Variants in DMRT1 observed in about 807,000 individuals in gnomAD.
DMRT1 encodes doublesex and mab-3 related transcription factor 1.
DMRT1 carries 7 observed loss-of-function variants against 32.3 expected under a neutral mutation model. That is an observed-to-expected ratio of 0.22 (90% CI 0.12 to 0.41). The LOEUF is 0.41. DMRT1 is among the 10% of genes least tolerant of loss of function. DMRT1 has a pLI of 1.00. For synonymous variants in DMRT1, 278 were observed against 206.1 expected (o/e 1.35, Z -2.99); for missense variants, 625 against 500.5 (o/e 1.25, Z -2.37).
At chr9:928,172 G>A (rs1008510093) in intron 4 of DMRT1, among the ~76,000 whole-genome samples, 2 of 152,132 alleles carry the variant, frequency 1.3e-5, no homozygotes, top group African/African-American at 4.8e-5. Flanking sequence ...TGCATGATCA[G>A]GTTTATTTAC....
At position 903,485 on chromosome 9, in the gene DMRT1, C is replaced by G. The variant is rs116566755; in HGVS notation, c.822+9290C>G. ...TGTTTTGTTTCACAGATGATGAAAG[C>G]TTAATGACTTGCATGCTTTTGATCC... On this transcript the variant is annotated intron_variant, in intron 3 of 4. Coordinates refer to ENST00000382276, the MANE Select transcript of DMRT1 (RefSeq NM_021951.3). 3.3e-3 allele frequency among the ~76,000 whole-genome samples: 510 copies of G among 152,294 alleles called. 5 individuals are homozygous for G. The highest frequency in any genetic ancestry group is 0.011 in the African/African-American group (467 of 41,556).
At position 965,287 on chromosome 9, in the gene DMRT1, G is replaced by C. The variant is rs1426261397; in HGVS notation, c.968-2698G>C. Among the ~76,000 whole-genome samples, 1 of 152,184 alleles carries C rather than the reference G, an allele frequency of 6.6e-6. No homozygotes were observed. The highest frequency in any genetic ancestry group is 1.5e-5 in the Non-Finnish European group (1 of 68,018). ...AAACAATGCTAAGCCTTGAACAAAT[G>C]TAAAAATAGCATGGGTTTAAATTTT... On this transcript the variant is annotated intron_variant, in intron 4 of 4. Transcript: ENST00000382276. The surrounding 1 kb of genome is among the most constrained non-coding windows in gnomAD (Gnocchi z 4.5).
chr9:902,312 G>A (rs1428805458), intron 3 of DMRT1, among the ~76,000 whole-genome samples: 2 of 150,390 alleles, frequency 1.3e-5, no homozygotes, highest in African/African-American at 2.4e-5. Context: ...GTTGTCTCTC[G>A]CCTCCTTCCT....
intron 2 of DMRT1, among the ~76,000 whole-genome samples, chr9:868,418 A>G (rs1365005720): frequency 1.3e-5 from 2 of 152,210 alleles, no homozygotes; most frequent in African/African-American, 4.8e-5. Flanking sequence ...AAAAAACAAA[A>G]TTCACAGAAT....
At chr9:930,493 G>C (rs1352838608) in intron 4 of DMRT1, among the ~76,000 whole-genome samples, 2 of 151,828 alleles carry the variant, frequency 1.3e-5, no homozygotes, top group African/African-American at 4.8e-5. Context: ...CTCACTGCAA[G>C]CTCCGCCTCT....
At chr9:844,609 T>G (rs188512053) in intron 1 of DMRT1, among the ~76,000 whole-genome samples, 18 of 139,956 alleles carry the variant, frequency 1.3e-4, no homozygotes, top group Admixed American at 2.7e-4. Flanking sequence ...AGTCGAAGAC[T>G]TTTTTTTGGC....
chr9:879,718 A>G (rs930658814), intron 2 of DMRT1, among the ~76,000 whole-genome samples: 1 of 152,220 alleles, frequency 6.6e-6, no homozygotes, highest in Non-Finnish European at 1.5e-5. Flanking sequence ...TCTGTCTCAG[A>G]CTTGGCTTCC....
At chr9:950,157 C>G (rs1476717695) in intron 4 of DMRT1, among the ~76,000 whole-genome samples, 2 of 152,020 alleles carry the variant, frequency 1.3e-5, no homozygotes, top group Admixed American at 1.3e-4. Flanking sequence ...GAATTTGGGT[C>G]TCTTGGATAT....
At chr9:920,237 A>G (rs1818311177) in intron 4 of DMRT1, among the ~76,000 whole-genome samples, 1 of 152,006 alleles carries the variant, frequency 6.6e-6, no homozygotes, top group African/African-American at 2.4e-5. Context: ...TGGAGAGATG[A>G]ATGTAGGTGG....
At chr9:923,489 A>G (rs1336269435) in intron 4 of DMRT1, among the ~76,000 whole-genome samples, 2 of 152,208 alleles carry the variant, frequency 1.3e-5, no homozygotes, top group African/African-American at 4.8e-5. Flanking sequence ...TGAGGATGAA[A>G]TGGTGTCTGA....
At chr9:845,101 C>G (rs1214981685) in intron 1 of DMRT1, among the ~76,000 whole-genome samples, 1 of 152,206 alleles carries the variant, frequency 6.6e-6, no homozygotes, top group Non-Finnish European at 1.5e-5. Flanking sequence ...GGGTGCTTCA[C>G]TGTCATTTCA....
At chr9:944,730 G>A (rs1011563251) in intron 4 of DMRT1, among the ~76,000 whole-genome samples, 1 of 152,082 alleles carries the variant, frequency 6.6e-6, no homozygotes, top group Non-Finnish European at 1.5e-5. Context: ...TTTAAGTTGT[G>A]TTTGATTCCA....
At chr9:944,952 C>T (rs1236850760) in intron 4 of DMRT1, among the ~76,000 whole-genome samples, 1 of 152,084 alleles carries the variant, frequency 6.6e-6, no homozygotes, top group African/African-American at 2.4e-5. Context: ...GTCCCCCAAA[C>T]AACCGACTTA....
intron 2 of DMRT1, among the ~76,000 whole-genome samples, chr9:881,466 C>T (rs1816734847): frequency 6.6e-6 from 1 of 152,164 alleles, no homozygotes. Context: ...AAAAGAAAGT[C>T]ATAAAAGCAG....
At chr9:851,143 G>A (rs1014426283) in intron 2 of DMRT1, among the ~76,000 whole-genome samples, 3 of 152,076 alleles carry the variant, frequency 2.0e-5, no homozygotes, top group Non-Finnish European at 2.9e-5. Context: ...TACCAACCTG[G>A]CACACCTTGG....
chr9:879,703 A>G (rs1481936327), intron 2 of DMRT1, among the ~76,000 whole-genome samples: 1 of 152,222 alleles, frequency 6.6e-6, no homozygotes, highest in Admixed American at 6.5e-5. Context: ...ATTAAAATCT[A>G]TTCATCTGTC....
intron 4 of DMRT1, among the ~76,000 whole-genome samples, chr9:966,874 T>G (rs1024286675): frequency 1.3e-5 from 2 of 152,226 alleles, no homozygotes; most frequent in Non-Finnish European, 2.9e-5. Flanking sequence ...ACTTCAGCAC[T>G]CAGCTCCCAA....
At chr9:897,042 TGA>T (rs956980243) in intron 3 of DMRT1, among the ~76,000 whole-genome samples, 1 of 151,804 alleles carries the variant, frequency 6.6e-6, no homozygotes, top group African/African-American at 2.4e-5. Flanking sequence ...TTTAATCCCC[TGA>T]GCTACAAATT....
intron 4 of DMRT1, among the ~76,000 whole-genome samples, chr9:939,730 T>A (rs1819000285): frequency 6.6e-6 from 1 of 152,036 alleles, no homozygotes; most frequent in Non-Finnish European, 1.5e-5. Context: ...AATGTAGGAG[T>A]GTACAAAGTA....
Sources: allele counts gnomAD v4.1 joint callset (sites outside exome capture counted in the v4.1 genomes callset), GRCh38; gene constraint gnomAD v4.1.1; non-coding constraint Gnocchi (gnomAD v3.1); transcripts MANE v1.5; gene names NCBI Gene and HGNC (gene_info 2026-07-23, HGNC 2026-07-21).